Variants in AGAP1 observed in about 807,000 individuals in gnomAD.
The protein encoded by AGAP1 is ArfGAP with GTPase domain, ankyrin repeat and PH domain 1, also known as arf-GAP with GTPase, ANK repeat and PH domain-containing protein 1.
Under a neutral mutation model 105.3 loss-of-function variants are expected in AGAP1, and 29 were observed. That is an observed-to-expected ratio of 0.28 (90% CI 0.21 to 0.38). The LOEUF is 0.38. Ranked by LOEUF, AGAP1 falls within the 10% of genes least tolerant of loss-of-function variation. AGAP1 has a pLI of 1.00. For synonymous variants in AGAP1, 509 were observed against 485.9 expected, an observed-to-expected ratio of 1.05 and a Z score of -0.63; for missense variants, 998 against 1,165.1, an observed-to-expected ratio of 0.86 and a Z score of 2.09.
chr2:235,637,266 C>T (rs887323240), intron 1 of AGAP1, among the ~76,000 whole-genome samples: 1 of 151,964 alleles, frequency 6.6e-6, no homozygotes, highest in Non-Finnish European at 1.5e-5. Flanking sequence ...CCTAGGACCT[C>T]AAAATGTGAC....
chr2:235,983,990 C>G lies in AGAP1; in HGVS notation c.1645+15367C>G, dbSNP rs1261361253. Among the ~76,000 whole-genome samples the G allele has an allele frequency of 6.6e-6, 1 of 152,214 alleles. No homozygotes were observed. Among genetic ancestry groups the G allele is most frequent in the Non-Finnish European group, 1.5e-5 (1 of 68,046 alleles). On this transcript the variant is annotated intron_variant, in intron 13 of 17. Transcript: ENST00000304032. The surrounding 1 kb of genome is among the most constrained non-coding windows in gnomAD (Gnocchi z 4.5). ...TTTTCACATTCACAGTGCTGGACAACCATGACCGCCATTCCCAAAACATTT... is the reference window on the plus strand; with the variant it reads ...TTTTCACATTCACAGTGCTGGACAAGCATGACCGCCATTCCCAAAACATTT...
rs143714801 is a variant in AGAP1 at position 235,728,301 on chromosome 2, C to CTGTGTG, written c.310+10678_310+10683dup. 7.2e-4 allele frequency among the ~76,000 whole-genome samples: 107 copies of CTGTGTG among 148,622 alleles called. No individual in the cohort carries two copies. Among genetic ancestry groups the CTGTGTG allele is most frequent in the South Asian group, 1.7e-3 (8 of 4,640 alleles). Reference sequence around the variant, plus strand: ...ATCTGAAAAGGACTGGGCCCAGACTCTGTGTGTGTGTGTGTGTGTGTGTGT... The same window carrying CTGTGTG: ...ATCTGAAAAGGACTGGGCCCAGACTCTGTGTGTGTGTGTGTGTGTGTGTGTGTGTGT... On this transcript the variant is annotated intron_variant, in intron 3 of 17. Coordinates refer to ENST00000304032, the MANE Select transcript of AGAP1 (RefSeq NM_001037131.3). This position sits in a 1 kb window ranked among gnomAD's most constrained non-coding sequence, Gnocchi z 4.3.
Position 235,879,700 on chromosome 2 carries a change from G to A in AGAP1, c.1051-3645G>A, listed in dbSNP as rs2049914219. Among the ~76,000 whole-genome samples the A allele has an allele frequency of 6.6e-6, 1 of 152,110 alleles. No individual in the cohort carries two copies. Among genetic ancestry groups the A allele is most frequent in the South Asian group, 2.1e-4 (1 of 4,818 alleles). On this transcript the variant is annotated intron_variant, in intron 9 of 17. Transcript: ENST00000304032. This position sits in a 1 kb window ranked among gnomAD's most constrained non-coding sequence, Gnocchi z 5.0. ...CCAGCACTTCTGGGAAGCCATGGTG[G>A]GAGGATTGCTTGAGCCCAGGAGTTC...
chr2:235,545,256 G>A (rs1009756243), intron 1 of AGAP1, among the ~76,000 whole-genome samples: 5 of 152,200 alleles, frequency 3.3e-5, no homozygotes, highest in African/African-American at 9.7e-5. Context: ...TGAAAATAGC[G>A]TTAAGTGTTC....
At chr2:235,634,716 T>C (rs1946935689) in intron 1 of AGAP1, among the ~76,000 whole-genome samples, 1 of 152,202 alleles carries the variant, frequency 6.6e-6, no homozygotes, top group South Asian at 2.1e-4. Flanking sequence ...TCATCAGATT[T>C]CTCTGTGTTC....
At chr2:235,686,550 TATATATACACACAC>T (rs1408890843) in intron 1 of AGAP1, among the ~76,000 whole-genome samples, 5,878 of 89,880 alleles carry the variant, frequency 0.065, 170 homozygotes, top group African/African-American at 0.085. Flanking sequence ...GAAGGAGATA[TATATATACACACAC>T]ACACACACAC....
At chr2:235,833,179 C>T (rs1183927700) in intron 9 of AGAP1, among the ~76,000 whole-genome samples, 6 of 152,180 alleles carry the variant, frequency 3.9e-5, no homozygotes, top group African/African-American at 7.2e-5. Flanking sequence ...CAGGCGCTCT[C>T]CATTGGAGCA....
rs1952617260 is a variant in AGAP1, at chr2:235,741,967, A to G, written c.396+919A>G. ...ATGGAGTTTCACCATGTTAGCCAGGATGGTCTCGATCTCCTGACCTCGTGA... is the reference window on the plus strand; with the variant it reads ...ATGGAGTTTCACCATGTTAGCCAGGGTGGTCTCGATCTCCTGACCTCGTGA... On this transcript the variant is annotated intron_variant, in intron 4 of 17. Coordinates refer to ENST00000304032, the MANE Select transcript of AGAP1 (RefSeq NM_001037131.3). This position sits in a 1 kb window ranked among gnomAD's most constrained non-coding sequence, Gnocchi z 4.9. 6.6e-6 allele frequency among the ~76,000 whole-genome samples: 1 copy of G among 151,824 alleles called. No homozygotes were observed. Among genetic ancestry groups the G allele is most frequent in the African/African-American group, 2.4e-5 (1 of 41,326 alleles).
rs1253812666 is a variant in AGAP1 at position 235,837,652 on chromosome 2, A to G, written c.1050+30321A>G. On this transcript the variant is annotated intron_variant, in intron 9 of 17. Coordinates refer to ENST00000304032, the MANE Select transcript of AGAP1 (RefSeq NM_001037131.3). Reference sequence around the variant, plus strand: ...AGTCTACCAGTAAAGGAGGTGGCATATAACAACAGCTCACTAAATAAGTTA... The same window carrying G: ...AGTCTACCAGTAAAGGAGGTGGCATGTAACAACAGCTCACTAAATAAGTTA... Among the ~76,000 whole-genome samples the G allele has an allele frequency of 3.9e-5, 6 of 152,220 alleles. No individual in the cohort carries two copies. In the East Asian group the frequency reaches 1.2e-3, roughly 29 times the overall value.
intron 1 of AGAP1, among the ~76,000 whole-genome samples, chr2:235,604,016 T>G (rs866945819): frequency 6.6e-6 from 1 of 152,136 alleles, no homozygotes; most frequent in African/African-American, 2.4e-5. Flanking sequence ...GAAAAACTGT[T>G]GCATAGCAGG....
At position 235,725,217 on chromosome 2, in the gene AGAP1, C is replaced by A. The variant is rs1951586774; in HGVS notation, c.310+7573C>A. Among the ~76,000 whole-genome samples the A allele has an allele frequency of 6.6e-6, 1 of 152,190 alleles. No individual in the cohort carries two copies. Among genetic ancestry groups the A allele is most frequent in the South Asian group, 2.1e-4 (1 of 4,830 alleles). On this transcript the variant is annotated intron_variant, in intron 3 of 17. Coordinates refer to ENST00000304032, the MANE Select transcript of AGAP1 (RefSeq NM_001037131.3). The surrounding 1 kb of genome is among the most constrained non-coding windows in gnomAD (Gnocchi z 5.7). ...TCCCGGGGTTAGCCTTGCCACCCTC[C>A]TTCAGGACTGCCTAGAATTGTTTCC...
rs572741175 is a variant in AGAP1 at position 235,753,379 on chromosome 2, T to G, written c.673+2891T>G. On this transcript the variant is annotated intron_variant, in intron 6 of 17. Coordinates refer to ENST00000304032, the MANE Select transcript of AGAP1 (RefSeq NM_001037131.3). This position sits in a 1 kb window ranked among gnomAD's most constrained non-coding sequence, Gnocchi z 4.5. Reference sequence around the variant, plus strand: ...GGCACAGGAGATTTCCGTTCCAGTTTCGTATTATAGAAATAATACACTCTC... The same window carrying G: ...GGCACAGGAGATTTCCGTTCCAGTTGCGTATTATAGAAATAATACACTCTC... 3.3e-4 allele frequency among the ~76,000 whole-genome samples: 50 copies of G among 152,334 alleles called. No homozygotes were observed. Among genetic ancestry groups the G allele is most frequent in the African/African-American group, 1.2e-3 (48 of 41,570 alleles).
At position 235,555,561 on chromosome 2, in the gene AGAP1, C is replaced by T. The variant is rs1416190797; in HGVS notation, c.163+60712C>T. On this transcript the variant is annotated intron_variant, in intron 1 of 17. Coordinates refer to ENST00000304032, the MANE Select transcript of AGAP1 (RefSeq NM_001037131.3). This position sits in a 1 kb window ranked among gnomAD's most constrained non-coding sequence, Gnocchi z 5.1. ...GTTCCCTCTGCCACCGCCAGCTGTC[C>T]TGCAGCAGGAAGAGGTAGTCATGTT... 6.6e-6 allele frequency among the ~76,000 whole-genome samples: 1 copy of T among 152,348 alleles called. No individual in the cohort carries two copies.
At chr2:235,643,431 CAAAAAAAAAA>C (rs56146940) in intron 1 of AGAP1, among the ~76,000 whole-genome samples, 14 of 61,404 alleles carry the variant, frequency 2.3e-4, no homozygotes, top group African/African-American at 7.6e-4. Flanking sequence ...GACTGGGTCT[CAAAAAAAAAA>C]AAAAAAAAAA....
chr2:236,064,055 T>A (rs1486497720), intron 16 of AGAP1, among the ~76,000 whole-genome samples: 1 of 152,192 alleles, frequency 6.6e-6, no homozygotes, highest in Non-Finnish European at 1.5e-5. Context: ...TTCATGCTGA[T>A]CCTTGCCATC....
chr2:235,544,141 G>A (rs914556819), intron 1 of AGAP1, among the ~76,000 whole-genome samples: 1 of 152,224 alleles, frequency 6.6e-6, no homozygotes, highest in Non-Finnish European at 1.5e-5. Context: ...TGCTTAAAAG[G>A]CATTTCATTT....
Position 235,752,316 on chromosome 2 carries a change from T to C in AGAP1, c.673+1828T>C, listed in dbSNP as rs1474232121. ...CCTCAGCCTCCCCAGTAGCTGGAAT[T>C]ACAGGTACACGCTGCCACACCTGGC... On this transcript the variant is annotated intron_variant, in intron 6 of 17. Transcript: ENST00000304032. This position sits in a 1 kb window ranked among gnomAD's most constrained non-coding sequence, Gnocchi z 4.3. 1.3e-5 allele frequency among the ~76,000 whole-genome samples: 2 copies of C among 152,158 alleles called. No individual in the cohort carries two copies. Among genetic ancestry groups the C allele is most frequent in the African/African-American group, 4.8e-5 (2 of 41,428 alleles).
intron 6 of AGAP1, among the ~76,000 whole-genome samples, chr2:235,759,007 A>G (rs551417778): frequency 6.6e-6 from 1 of 151,914 alleles, no homozygotes; most frequent in South Asian, 2.1e-4. Context: ...TGCCCAGCCT[A>G]GTCTCGAACT....
chr2:235,515,254 G>A (rs566239196), intron 1 of AGAP1, among the ~76,000 whole-genome samples: 7 of 152,218 alleles, frequency 4.6e-5, no homozygotes, highest in Non-Finnish European at 8.8e-5. Context: ...GCATAGAGGC[G>A]TTGGGATGGA....
Sources: gnomAD v4.1 joint callset for allele counts (sites outside exome capture counted in the v4.1 genomes callset) on GRCh38, gnomAD v4.1.1 for gene constraint, Gnocchi (gnomAD v3.1) non-coding constraint, MANE v1.5 for transcripts, NCBI Gene and HGNC (gene_info 2026-07-23, HGNC 2026-07-21) for gene names.